The following ADGRV1 variants were observed in gnomAD, a reference collection of about 807,000 sequenced individuals.
ADGRV1 encodes the protein adhesion G protein-coupled receptor V1, also known as G-protein coupled receptor 98.
Under a neutral mutation model 596.2 loss-of-function variants are expected in ADGRV1, and 359 were observed. The ratio of observed to expected loss-of-function variants is 0.60; its 90% CI spans 0.55 to 0.66. ADGRV1 has a LOEUF of 0.66. Ranked by LOEUF, ADGRV1 falls within the 30% of genes least tolerant of loss-of-function variation. The pLI, the probability that ADGRV1 is intolerant of heterozygous loss-of-function variation, is 0.00. For missense variants in ADGRV1, 7,274 were observed against 7,575.6 expected, an observed-to-expected ratio of 0.96 and a Z score of 1.48; for synonymous variants, 2,681 against 2,679.2, an observed-to-expected ratio of 1.00 and a Z score of -0.02.
At chr5:91,042,080 C>A (rs1785408951) in intron 85 of ADGRV1, among the ~76,000 whole-genome samples, 1 of 152,056 alleles carries the variant, frequency 6.6e-6, no homozygotes, top group Admixed American at 6.6e-5. Context: ...TTACTGTGAT[C>A]TAATTAATCC....
rs1265315266 is a variant in ADGRV1, at chr5:90,629,438, A to G, written c.1738A>G (p.Arg580Gly). The G allele has an allele frequency of 1.2e-6, 2 of 1,613,744 alleles. No individual in the cohort carries two copies. The highest frequency in any genetic ancestry group is 1.7e-6 in the Non-Finnish European group (2 of 1,179,790). Residue 580 changes from arginine (R) to glycine (G), a missense_variant, in exon 9 of 90, where the codon AGA (arginine) becomes GGA (glycine). Physicochemically the swap from Arg to Gly is moderately radical, Grantham distance 125. Transcript: ENST00000405460. ...AKEGILNISR[R>G]NDLIFPEQKT... The stretch of plus-strand genomic sequence containing the variant: ...AGAAGGCATCTTAAATATATCAAGG[A>G]GAAATGACCTCATTTTTCCAGAGCA...
intron 25 of ADGRV1, among the ~76,000 whole-genome samples, chr5:90,677,518 C>G (rs1744386847): frequency 6.6e-6 from 1 of 152,092 alleles, no homozygotes; most frequent in African/African-American, 2.4e-5. Context: ...AAAAGTTGCC[C>G]TTTGTGTCAC....
chr5:90,900,083 A>T (rs189559224), intron 83 of ADGRV1, among the ~76,000 whole-genome samples: 2 of 152,324 alleles, frequency 1.3e-5, no homozygotes, highest in Admixed American at 1.3e-4. Context: ...ACAAAGCAGA[A>T]CATACTTATT....
intron 82 of ADGRV1, among the ~76,000 whole-genome samples, chr5:90,863,403 T>G (rs1561864974): frequency 6.6e-6 from 1 of 152,232 alleles, no homozygotes. Context: ...GCATCCAGTA[T>G]TGCAAAGTTG....
At chr5:90,606,482 A>G (rs1340796931) in intron 1 of ADGRV1, among the ~76,000 whole-genome samples, 1 of 152,214 alleles carries the variant, frequency 6.6e-6, no homozygotes, top group Non-Finnish European at 1.5e-5. Flanking sequence ...AACACAATAA[A>G]TGCAAATAGC....
At chr5:91,150,249 GTCTCTCTGTCTCTGTCTCTCTCTC>G in intron 88 of ADGRV1, 28 bp downstream of exon 88, 1 of 1,442,198 alleles carries the variant, frequency 6.9e-7, no homozygotes, top group Non-Finnish European at 9.2e-7. Flanking sequence ...TTCATTCTCT[GTCTCTCTGTCTCTGTCTCTCTCTC>G]TCTCTCTGTC....
intron 70 of ADGRV1, among the ~76,000 whole-genome samples, chr5:90,793,530 G>A (rs1760319781): frequency 6.6e-6 from 1 of 152,268 alleles, no homozygotes; most frequent in South Asian, 2.1e-4. Flanking sequence ...TCAGGCATAA[G>A]AAACCCAAAA....
intron 85 of ADGRV1, among the ~76,000 whole-genome samples, chr5:91,067,951 G>A (rs769509006): frequency 7.9e-5 from 12 of 152,102 alleles, no homozygotes; most frequent in Non-Finnish European, 1.8e-4. Context: ...ATTTAATCAT[G>A]TGCCCTTCAT....
At chr5:90,776,664 A>G (rs538167609) in intron 61 of ADGRV1, 88 bp downstream of exon 61, 13 of 1,358,860 alleles carry the variant, frequency 9.6e-6, no homozygotes, top group Non-Finnish European at 1.3e-5. Flanking sequence ...TTCTCAATAC[A>G]TACATAGTCT....
chr5:90,599,848 T>A (rs1761187046), intron 1 of ADGRV1, among the ~76,000 whole-genome samples: 1 of 152,188 alleles, frequency 6.6e-6, no homozygotes. Context: ...TTTACAAGTT[T>A]CAAATTGATG....
intron 77 of ADGRV1, among the ~76,000 whole-genome samples, chr5:90,838,764 C>T (rs1044052783): frequency 2.6e-5 from 4 of 152,054 alleles, no homozygotes; most frequent in African/African-American, 7.2e-5. Flanking sequence ...CTAAGCTGAG[C>T]GTAGTGGTGC....
chr5:91,142,840 AC>A (rs1245842642), intron 87 of ADGRV1, among the ~76,000 whole-genome samples: 1 of 152,252 alleles, frequency 6.6e-6, no homozygotes, highest in African/African-American at 2.4e-5. Context: ...TCATAGTGTT[AC>A]GGGATCCTTG....
intron 87 of ADGRV1, among the ~76,000 whole-genome samples, chr5:91,135,319 C>T (rs1268259981): frequency 2.6e-5 from 4 of 152,100 alleles, no homozygotes; most frequent in Admixed American, 6.6e-5. Flanking sequence ...AACATGCACA[C>T]GCATACATAC....
intron 71 of ADGRV1, 71 bp downstream of exon 71, chr5:90,802,953 CTT>C (rs1581172499): frequency 1.5e-5 from 20 of 1,321,250 alleles, no homozygotes; most frequent in South Asian, 5.3e-5. Flanking sequence ...GACGGAGACT[CTT>C]AGAGCTAGAA....
rs192897573 is a variant in ADGRV1 at position 90,683,775 on chromosome 5, C to T, written c.5854C>T (p.Leu1952Phe). The change falls in exon 28 of 90, where the codon CTC becomes TTC. Residue 1952 changes from leucine (L) to phenylalanine (F), a missense_variant. Leu to Phe is a conservative substitution (Grantham distance 22). Around this residue, in one of 5 missense-constraint regions of ADGRV1, gnomAD observed 3,643 missense variants for 3,809.2 expected, o/e 0.96. Transcript: ENST00000405460. ...ELDKAFSVSV[L>F]SVSSGSLGAH... ...GGATAAGGCATTCTCTGTGTCAGTC[C>T]TCAGTGTTTCCAGTGGTTCTTTGGG... The T allele has an allele frequency of 6.2e-7, 1 of 1,613,828 alleles. No homozygotes were observed. The highest frequency in any genetic ancestry group is 1.3e-5 in the African/African-American group (1 of 75,004).
intron 1 of ADGRV1, among the ~76,000 whole-genome samples, chr5:90,578,328 T>C (rs1030988391): frequency 1.3e-5 from 2 of 152,214 alleles, no homozygotes; most frequent in Admixed American, 6.5e-5. Context: ...TGAAGTGCTG[T>C]TGAATTTTGT....
intron 89 of ADGRV1, among the ~76,000 whole-genome samples, chr5:91,163,156 A>T (rs1462125344): frequency 6.6e-6 from 1 of 152,232 alleles, no homozygotes; most frequent in Admixed American, 6.5e-5. Context: ...TCCTCAAAAC[A>T]GATTCTGAGC....
chr5:91,038,630 G>T (rs1359476706), intron 85 of ADGRV1, among the ~76,000 whole-genome samples: 1 of 152,210 alleles, frequency 6.6e-6, no homozygotes, highest in Non-Finnish European at 1.5e-5. Context: ...CAGGCAGAGT[G>T]CCTAGAAAGA....
At chr5:90,842,434 A>G (rs1765513809) in intron 78 of ADGRV1, among the ~76,000 whole-genome samples, 1 of 152,200 alleles carries the variant, frequency 6.6e-6, no homozygotes, top group Admixed American at 6.5e-5. Context: ...AAAATATTGT[A>G]ATATTGTAAA....
Sources: allele counts gnomAD v4.1 joint callset (sites outside exome capture counted in the v4.1 genomes callset), GRCh38; gene constraint gnomAD v4.1.1; regional missense constraint gnomAD v4.1.1; transcripts MANE v1.5; gene names NCBI Gene and HGNC (gene_info 2026-07-23, HGNC 2026-07-21).